The following SHISA9 variants were observed in gnomAD, a reference collection of about 807,000 sequenced individuals.
The protein encoded by SHISA9 is protein shisa-9.
In SHISA9, 13 loss-of-function variants were observed where a neutral mutation model predicts 38.0. That is an observed-to-expected ratio of 0.34 (90% confidence interval 0.22 to 0.54). The LOEUF is 0.54. Ranked by LOEUF, SHISA9 falls within the 20% of genes least tolerant of loss-of-function variation. SHISA9 has a pLI of 0.91. For missense variants in SHISA9, 538 were observed against 575.8 expected (o/e 0.93, Z 0.67); for synonymous variants, 275 against 242.0 (o/e 1.14, Z -1.27).
At chr16:13,143,382 A>C (rs546825157) in intron 2 of SHISA9, among the ~76,000 whole-genome samples, 2 of 152,184 alleles carry the variant, frequency 1.3e-5, no homozygotes, top group Non-Finnish European at 2.9e-5. Context: ...CCAAGGATGA[A>C]TATATCCCCG....
intron 2 of SHISA9, among the ~76,000 whole-genome samples, chr16:12,996,155 T>C (rs557832122): frequency 2.0e-5 from 3 of 152,294 alleles, no homozygotes; most frequent in South Asian, 4.2e-4. Context: ...AAGTTGCAAA[T>C]TGGTGGCCTA....
chr16:13,168,398 G>T (rs1219729770), intron 2 of SHISA9, among the ~76,000 whole-genome samples: 1 of 152,140 alleles, frequency 6.6e-6, no homozygotes, highest in East Asian at 1.9e-4. Flanking sequence ...CAAACCTATG[G>T]CCTCCAACAT....
intron 2 of SHISA9, among the ~76,000 whole-genome samples, chr16:13,196,412 A>G (rs1320042854): frequency 6.8e-6 from 1 of 147,348 alleles, no homozygotes; most frequent in Non-Finnish European, 1.5e-5. Context: ...AAAAAAAAAG[A>G]AAGAAAAAAA....
the SHISA9 span, among the ~76,000 whole-genome samples, chr16:13,479,949 T>C: frequency 6.6e-6 from 1 of 152,246 alleles, no homozygotes; most frequent in South Asian, 2.1e-4. Context: ...GGAGGCGGAC[T>C]GACCTGAATT....
chr16:12,938,009 C>A (rs1456626242), intron 2 of SHISA9, among the ~76,000 whole-genome samples: 1 of 152,174 alleles, frequency 6.6e-6, no homozygotes, highest in Non-Finnish European at 1.5e-5. Context: ...ACTATTGAAA[C>A]CCTTGAGGAG....
the SHISA9 span, among the ~76,000 whole-genome samples, chr16:13,472,822 C>G: frequency 6.6e-6 from 1 of 152,138 alleles, no homozygotes; most frequent in Admixed American, 6.5e-5. Context: ...TTTAAAATCT[C>G]TTACATTGTA....
At chr16:13,230,069 G>A (rs1014889161) in intron 4 of SHISA9, among the ~76,000 whole-genome samples, 3 of 152,098 alleles carry the variant, frequency 2.0e-5, no homozygotes, top group African/African-American at 7.2e-5. Flanking sequence ...GCCCTTTCAG[G>A]GAGCAAACTA....
chr16:13,283,132 G>C, the SHISA9 span, among the ~76,000 whole-genome samples: 1 of 152,062 alleles, frequency 6.6e-6, no homozygotes, highest in African/African-American at 2.4e-5. Flanking sequence ...TTTGAAGAGT[G>C]TTAATTCTTA....
chr16:13,188,148 T>C (rs996310038), intron 2 of SHISA9, among the ~76,000 whole-genome samples: 5 of 152,172 alleles, frequency 3.3e-5, no homozygotes, highest in African/African-American at 1.2e-4. Context: ...ACAAAACACT[T>C]ACCCACTGCA....
At chr16:13,223,039 T>C (rs1490541739) in intron 4 of SHISA9, among the ~76,000 whole-genome samples, 1 of 152,150 alleles carries the variant, frequency 6.6e-6, no homozygotes, top group Non-Finnish European at 1.5e-5. Flanking sequence ...AGTTTCAATT[T>C]TATAGGTGAA....
At chr16:13,457,209 G>A in the SHISA9 span, among the ~76,000 whole-genome samples, 1 of 152,218 alleles carries the variant, frequency 6.6e-6, no homozygotes, top group African/African-American at 2.4e-5. Flanking sequence ...AGGAGGCTGA[G>A]GCAGGAAAGT....
chr16:13,235,180 A>AT lies in SHISA9; in HGVS notation c.1046_1047insT (p.Lys349AsnfsTer21). The AT allele has an allele frequency of 6.4e-7, 1 of 1,551,774 alleles. No homozygotes were observed. Among genetic ancestry groups the AT allele is most frequent in the Non-Finnish European group, 8.7e-7 (1 of 1,147,022 alleles). ...GGTCCTGCCAAGCAGAATGGACAGAAGTCCCGCACCAACAAGATGCCCCCA... is the reference window on the plus strand; with the variant it reads ...GGTCCTGCCAAGCAGAATGGACAGAATGTCCCGCACCAACAAGATGCCCCCA... On this transcript the variant is annotated frameshift_variant, in exon 5 of 5. Coordinates refer to ENST00000558583, the MANE Select transcript of SHISA9 (RefSeq NM_001145204.3). LOFTEE classifies it high-confidence loss of function.
At chr16:13,520,922 T>A in the SHISA9 span, among the ~76,000 whole-genome samples, 1 of 152,222 alleles carries the variant, frequency 6.6e-6, no homozygotes, top group Non-Finnish European at 1.5e-5. Flanking sequence ...GCACACATTG[T>A]GCAATGATCA....
the SHISA9 span, among the ~76,000 whole-genome samples, chr16:13,451,582 G>A: frequency 2.6e-5 from 4 of 152,260 alleles, no homozygotes; most frequent in East Asian, 1.9e-4. Context: ...ACTGAAGATC[G>A]GAGGACCTGA....
chr16:13,034,471 A>C (rs1285012393), intron 2 of SHISA9, among the ~76,000 whole-genome samples: 1 of 152,238 alleles, frequency 6.6e-6, no homozygotes, highest in East Asian at 1.9e-4. Context: ...ATTTGGCCTT[A>C]GTCCAGAAGA....
the SHISA9 span, among the ~76,000 whole-genome samples, chr16:13,423,940 C>T: frequency 3.3e-5 from 5 of 152,206 alleles, no homozygotes; most frequent in Admixed American, 6.5e-5. Flanking sequence ...CTTCATTCTT[C>T]TACTATCTTT....
chr16:13,118,180 T>TAAAA (rs543126630), intron 2 of SHISA9, among the ~76,000 whole-genome samples: 15 of 84,030 alleles, frequency 1.8e-4, no homozygotes, highest in South Asian at 3.8e-4. Flanking sequence ...AGACTTCGTC[T>TAAAA]AAAAAAAAAA....
At chr16:13,150,337 C>G (rs2050488114) in intron 2 of SHISA9, among the ~76,000 whole-genome samples, 1 of 152,142 alleles carries the variant, frequency 6.6e-6, no homozygotes, top group African/African-American at 2.4e-5. Flanking sequence ...CATGGAGAGC[C>G]TTCCCTGACA....
At chr16:13,212,234 C>G (rs2051127821) in intron 3 of SHISA9, among the ~76,000 whole-genome samples, 1 of 152,072 alleles carries the variant, frequency 6.6e-6, no homozygotes, top group African/African-American at 2.4e-5. Context: ...AGGTAGATGC[C>G]TAAGAAAGGA....
Sources: allele counts gnomAD v4.1 joint callset (sites outside exome capture counted in the v4.1 genomes callset), GRCh38; gene constraint gnomAD v4.1.1; transcripts MANE v1.5; gene names NCBI Gene and HGNC (gene_info 2026-07-23, HGNC 2026-07-21).